The following GABRQ variants were observed in gnomAD, a reference collection of about 807,000 sequenced individuals.
The protein encoded by GABRQ is gamma-aminobutyric acid receptor subunit theta.
Under a neutral mutation model 30.5 loss-of-function variants are expected in GABRQ, and 19 were observed. That is an observed-to-expected ratio of 0.62 (90% CI 0.43 to 0.91). The LOEUF is 0.91. Ranked by LOEUF, GABRQ falls within the 40% of genes least tolerant of loss-of-function variation. The pLI, the probability that GABRQ is intolerant of heterozygous loss-of-function variation, is 0.00. For synonymous variants in GABRQ, 187 were observed against 210.2 expected, an observed-to-expected ratio of 0.89 and a Z score of 0.95; for missense variants, 520 against 521.4, an observed-to-expected ratio of 1.00 and a Z score of 0.03.
chrX:152,640,390 A>G lies in GABRQ; in HGVS notation c.162A>G (p.Ala54=), dbSNP rs782012355. The stretch of plus-strand genomic sequence containing the variant: ...TTCTCTGTTTCAGCAAAAATTGTGC[A>G]AATGAAGCTGTGGTTCAAAAGATTT... ...VLNLFNCKNC[A]NEAVVQKILD... The change falls in exon 2 of 9, where the codon GCA becomes GCG. Residue 54 remains alanine, a synonymous_variant. Transcript: ENST00000598523. 1 of 1,198,870 alleles carries G rather than the reference A, an allele frequency of 8.3e-7. No individual in the cohort carries two copies. The highest frequency in any genetic ancestry group is 1.8e-5 in the African/African-American group (1 of 56,989).
intron 2 of GABRQ, among the ~76,000 whole-genome samples, chrX:152,641,074 G>A (rs1447495896): frequency 3.6e-5 from 4 of 111,755 alleles, no homozygotes; most frequent in Admixed American, 1.9e-4. Flanking sequence ...AAACTCCTCA[G>A]CCTAGTCCTC....
At position 152,637,898 on chromosome X, in the gene GABRQ, C is replaced by A. The variant is rs1556817604; in HGVS notation, c.-305C>A. ...CAGCGAGCTGGGATCTGTGCCCAGT[C>A]GCAGCCAGGAGCGGCCGCAGACGGA... On this transcript the variant is annotated 5_prime_UTR_variant, in exon 1 of 9. Transcript: ENST00000598523. 8.8e-6 allele frequency among the ~76,000 whole-genome samples: 1 copy of A among 113,337 alleles called. No homozygotes were observed. Among genetic ancestry groups the A allele is most frequent in the Non-Finnish European group, 1.9e-5 (1 of 53,367 alleles).
chrX:152,650,469 G>A lies in GABRQ; in HGVS notation c.790G>A (p.Glu264Lys). ...RLILKFQVQR[E>K]VNSYLVQVYW... ...GATACTGAAGTTCCAGGTTCAGAGG[G>A]AAGTTAACAGCTACCTTGTGCAAGT... Residue 264 changes from glutamate to lysine, a missense_variant, in exon 7 of 9, where the codon GAA becomes AAA. Physicochemically the swap from Glu to Lys is moderately conservative, Grantham distance 56. Coordinates refer to ENST00000598523, the MANE Select transcript of GABRQ (RefSeq NM_018558.4). 2 of 1,203,909 alleles carry A rather than the reference G, an allele frequency of 1.7e-6. No homozygotes were observed.
At chrX:152,652,028 G>C (rs2097265767) in intron 8 of GABRQ, among the ~76,000 whole-genome samples, 1 of 112,742 alleles carries the variant, frequency 8.9e-6, no homozygotes, top group African/African-American at 3.2e-5. Flanking sequence ...CCAGACCTTT[G>C]GACTGAATTT....
chrX:152,644,772 A>G (rs1930846642), intron 2 of GABRQ, among the ~76,000 whole-genome samples: 2 of 111,893 alleles, frequency 1.8e-5, no homozygotes, highest in African/African-American at 6.5e-5. Flanking sequence ...CCACAAAACC[A>G]CACTCACATA....
intron 1 of GABRQ, among the ~76,000 whole-genome samples, chrX:152,638,988 G>A (rs948552333): frequency 4.5e-5 from 5 of 110,964 alleles, no homozygotes; most frequent in Non-Finnish European, 7.5e-5. Flanking sequence ...AATATTTGAA[G>A]ACTCCGGTTT....
intron 1 of GABRQ, among the ~76,000 whole-genome samples, chrX:152,639,307 G>A (rs1556817930): frequency 9.2e-6 from 1 of 109,029 alleles, no homozygotes; most frequent in African/African-American, 3.4e-5. Context: ...CAAGGTTCCA[G>A]CAGACAGCCC....
chrX:152,657,948 A>G (rs1192100553), downstream of GABRQ, among the ~76,000 whole-genome samples: 1 of 112,208 alleles, frequency 8.9e-6, no homozygotes, highest in African/African-American at 3.2e-5. Context: ...GACTGTCTCA[A>G]AACAAAACAA....
intron 1 of GABRQ, among the ~76,000 whole-genome samples, chrX:152,640,172 G>GA (rs113990708): frequency 9.1e-6 from 1 of 109,974 alleles, no homozygotes. Flanking sequence ...TGGGAAGGTG[G>GA]GGGGGGGAGG....
At chrX:152,649,430 C>T (rs1443510359) in intron 5 of GABRQ, 97 bp downstream of exon 5, 13 of 544,003 alleles carry the variant, frequency 2.4e-5, no homozygotes, top group Non-Finnish European at 3.3e-5. Context: ...AGTGTATCTC[C>T]TGTGCTCCCT....
chrX:152,644,152 CAT>C (rs1399159862), intron 2 of GABRQ, among the ~76,000 whole-genome samples: 1 of 111,460 alleles, frequency 9.0e-6, no homozygotes, highest in Non-Finnish European at 1.9e-5. Flanking sequence ...TCTACATACA[CAT>C]ATGAATATAC....
chrX:152,640,634 C>CCA, intron 2 of GABRQ, 168 bp downstream of exon 2: 1 of 514,628 alleles, frequency 1.9e-6, no homozygotes, highest in Admixed American at 2.6e-5. Flanking sequence ...GGAAGCACCC[C>CCA]CAGGCCTTCT....
rs933495335 is a variant in GABRQ, at chrX:152,652,675, C to G, written c.1293C>G (p.Ser431Arg). ...AGGCCCAGCTGGCCACCTCGGAAAG[C>G]CTCAGCCCACTCACTTCTCTCTCAG... ...SEQAQLATSE[S>R]LSPLTSLSGQ... The change falls in exon 9 of 9, where the codon AGC becomes AGG. Residue 431 changes from serine to arginine, a missense_variant. Physicochemically the swap from Ser to Arg is moderately radical, Grantham distance 110. Transcript: ENST00000598523. 3 of 1,211,688 alleles carry G rather than the reference C, an allele frequency of 2.5e-6. No homozygotes were observed. The highest frequency in any genetic ancestry group is 4.3e-5 in the Admixed American group (2 of 46,135).
rs782246365 is a variant in GABRQ, at chrX:152,652,558, G to A, written c.1176G>A (p.Val392=). 22 of 1,206,845 alleles carry A rather than the reference G, an allele frequency of 1.8e-5. No homozygotes were observed. Among genetic ancestry groups the A allele is most frequent in the Non-Finnish European group, 2.4e-5 (21 of 892,706 alleles). Residue 392 remains valine (V), a synonymous_variant, in exon 9 of 9, where the codon GTG becomes GTA. Coordinates refer to ENST00000598523, the MANE Select transcript of GABRQ (RefSeq NM_018558.4). ...VGNVQDGLIN[V]EDGVSSLPIT... ...CCTCAAAGGATGGCCTGATTAACGT[G>A]GAAGACGGAGTCAGCTCTCTCCCCA... is the stretch of plus-strand genomic sequence containing the variant.
rs1462929309 is a variant in GABRQ at position 152,645,532 on chromosome X, C to T, written c.244C>T (p.Pro82Ser). 2 of 1,097,807 alleles carry T rather than the reference C, an allele frequency of 1.8e-6. No individual in the cohort carries two copies. The highest frequency in any genetic ancestry group is 1.3e-6 in the Non-Finnish European group (1 of 791,982). The allele number at this position is 1,097,807 out of a possible 1,213,427, so 90.5% of individuals were successfully genotyped here. A position where few individuals can be genotyped will look rare whatever the true frequency, so the allele number is the denominator to read the frequency against. The part of the protein sequence containing the change: ...VRLRPNFGGA[P>S]VPVRISIYVT... ...TGTGTCTTTCTGTCTTCTAGGTGCC[C>T]CTGTGCCTGTGAGAATATCTATTTA... The change falls in exon 3 of 9, where the codon CCT becomes TCT. Residue 82 changes from proline (P) to serine (S), a missense_variant. Pro to Ser is a moderately conservative substitution (Grantham distance 74). Transcript: ENST00000598523.
At chrX:152,644,286 A>T (rs912968245) in intron 2 of GABRQ, among the ~76,000 whole-genome samples, 4 of 112,339 alleles carry the variant, frequency 3.6e-5, no homozygotes, top group Non-Finnish European at 5.6e-5. Context: ...ACATAAACAT[A>T]ACCACACTTT....
intron 4 of GABRQ, among the ~76,000 whole-genome samples, chrX:152,648,018 A>G (rs782257076): frequency 8.9e-6 from 1 of 112,018 alleles, no homozygotes; most frequent in African/African-American, 3.2e-5. Context: ...TCGGGAAATA[A>G]CAAGACTCAC....
At chrX:152,642,755 A>G (rs1930788674) in intron 2 of GABRQ, among the ~76,000 whole-genome samples, 1 of 111,860 alleles carries the variant, frequency 8.9e-6, no homozygotes, top group South Asian at 3.8e-4. Flanking sequence ...GGCTGGGGCC[A>G]CCATCCTAGA....
At chrX:152,640,042 G>A (rs1930715003) in intron 1 of GABRQ, among the ~76,000 whole-genome samples, 1 of 111,105 alleles carries the variant, frequency 9.0e-6, no homozygotes. Flanking sequence ...TTTTCTGAGG[G>A]CTTTCATCTG....
Sources: allele counts gnomAD v4.1 joint callset (sites outside exome capture counted in the v4.1 genomes callset), GRCh38; gene constraint gnomAD v4.1.1; transcripts MANE v1.5; gene names NCBI Gene and HGNC (gene_info 2026-07-23, HGNC 2026-07-21).